The following AVEN variants were observed in gnomAD, a reference collection of about 807,000 sequenced individuals.
AVEN encodes cell death regulator Aven.
Under a neutral mutation model 38.1 loss-of-function variants are expected in AVEN, and 41 were observed. The observed-to-expected ratio is 1.08, with a 90% CI of 0.84 to 1.40. The LOEUF is 1.40. Among genes scored for constraint, AVEN ranks in the 40% most tolerant of loss-of-function variants. AVEN has a pLI of 0.00. For synonymous variants in AVEN, 206 were observed against 171.8 expected (o/e 1.20, Z -1.56); for missense variants, 605 against 438.8 (o/e 1.38, Z -3.38).
chr15:34,010,534 A>G (rs1044251547), intron 1 of AVEN, among the ~76,000 whole-genome samples: 5 of 152,212 alleles, frequency 3.3e-5, no homozygotes, highest in African/African-American at 1.2e-4. Flanking sequence ...GCAAAAAGGT[A>G]TAGAAAAGGC....
At chr15:34,060,614 G>T (rs1323400497) in intron 5 of AVEN, among the ~76,000 whole-genome samples, 2 of 152,174 alleles carry the variant, frequency 1.3e-5, no homozygotes, top group South Asian at 2.1e-4. Context: ...GGTGGCTTTC[G>T]CCTGTAATCC....
rs1018706638 is a variant in AVEN at position 33,866,531 on chromosome 15, G to C, written c.*82C>G. 4 of 972,472 alleles carry C rather than the reference G, an allele frequency of 4.1e-6. No individual in the cohort carries two copies. The highest frequency in any genetic ancestry group is 4.0e-5 in the Admixed American group (2 of 50,614). 60.2% of individuals were successfully genotyped at this position (972,472 alleles called of 1,614,324 possible). On this transcript the variant is annotated 3_prime_UTR_variant, in exon 6 of 6. Coordinates refer to ENST00000306730, the MANE Select transcript of AVEN (RefSeq NM_020371.3). Reference sequence around the variant, plus strand: ...CTAGCTTGAGACATGCTTGTAAACTGGCTGGTCCTGAAGGACAGCCTTATG... The same window carrying C: ...CTAGCTTGAGACATGCTTGTAAACTCGCTGGTCCTGAAGGACAGCCTTATG...
In AVEN at chr15:34,064,139, C is replaced by T. The variant is rs759385676; in HGVS notation, n.1127-707G>A. 3.1e-6 allele frequency: 5 copies of T among 1,614,208 alleles called. No homozygotes were observed. In the South Asian group the frequency reaches 4.4e-5, roughly 14 times the overall value. The stretch of plus-strand genomic sequence containing the variant: ...CCTTCTGTGACAAGTGTGTCCCAGT[C>T]ACCCTGTGGCACTTGGGCTATTGGT... On this transcript the variant is annotated intron_variant and non_coding_transcript_variant, in intron 4 of 11. Coordinates refer to the AVEN transcript ENST00000675287.
intron 2 of AVEN, among the ~76,000 whole-genome samples, chr15:33,881,026 C>G (rs934792401): frequency 1.3e-5 from 2 of 151,734 alleles, no homozygotes; most frequent in Non-Finnish European, 2.9e-5. Flanking sequence ...CAAAATATAA[C>G]ACAATTTAAA....
chr15:34,069,880 T>C (rs911361236), intron 2 of AVEN, among the ~76,000 whole-genome samples: 11 of 152,222 alleles, frequency 7.2e-5, no homozygotes, highest in Admixed American at 6.5e-4. Flanking sequence ...AATATTAATA[T>C]GGTTGAACAT....
downstream of AVEN, chr15:33,854,510 G>A: frequency 2.2e-6 from 3 of 1,368,106 alleles, no homozygotes; most frequent in Non-Finnish European, 2.0e-6. Context: ...CCACAGAGAA[G>A]CAAGCTATGC....
chr15:33,963,624 C>T (rs1478550769), intron 2 of AVEN, among the ~76,000 whole-genome samples: 1 of 151,856 alleles, frequency 6.6e-6, no homozygotes, highest in African/African-American at 2.4e-5. Context: ...TGGTGAAACC[C>T]CATCTCTACT....
At position 33,954,273 on chromosome 15, in the gene AVEN, A is replaced by T. The variant is rs184958929; in HGVS notation, c.445+48759T>A. Among the ~76,000 whole-genome samples the T allele has an allele frequency of 8.1e-3, 1,238 of 152,292 alleles. 10 individuals carry two copies. The highest frequency in any genetic ancestry group is 0.014 in the Non-Finnish European group (950 of 68,014). On this transcript the variant is annotated intron_variant, in intron 2 of 5. Transcript: ENST00000306730. ...TCCTCAAGGATCTAGAACTAGAAAT[A>T]CCATTTGACCCAGCGATCCCATTAC...
intron 2 of AVEN, among the ~76,000 whole-genome samples, chr15:33,904,693 A>AT (rs1355411566): frequency 2.5e-5 from 3 of 120,254 alleles, no homozygotes; most frequent in African/African-American, 8.7e-5. Context: ...AAAAAAAAAA[A>AT]AATATATATA....
At chr15:33,887,083 C>T (rs1024020800) in intron 2 of AVEN, among the ~76,000 whole-genome samples, 4 of 152,184 alleles carry the variant, frequency 2.6e-5, no homozygotes, top group Non-Finnish European at 5.9e-5. Context: ...ATAAGAAATA[C>T]ATCATAGTTC....
chr15:33,947,892 T>C (rs1411731668), intron 2 of AVEN, among the ~76,000 whole-genome samples: 1 of 152,034 alleles, frequency 6.6e-6, no homozygotes, highest in Non-Finnish European at 1.5e-5. Context: ...GGATGGAAAA[T>C]ATTACAGCAA....
At chr15:33,910,848 C>T (rs983102638) in intron 2 of AVEN, among the ~76,000 whole-genome samples, 3 of 152,194 alleles carry the variant, frequency 2.0e-5, no homozygotes, top group Admixed American at 2.0e-4. Context: ...GTTCTACTGC[C>T]ACTGCTGACT....
rs1454555480 is a variant in AVEN at position 34,046,123 on chromosome 15, A to G, written n.1637+16799T>C. Among the ~76,000 whole-genome samples the G allele has an allele frequency of 7.2e-5, 11 of 152,312 alleles. No individual in the cohort carries two copies. In the East Asian group the frequency reaches 1.9e-3, roughly 27 times the overall value. On this transcript the variant is annotated intron_variant and non_coding_transcript_variant, in intron 5 of 11. Transcript: ENST00000675287. ...TTCATTTGCCTCTGCAACTTTCCTCAAAAATAAGTTACCCTTTCAAAAACA... is the reference window on the plus strand; with the variant it reads ...TTCATTTGCCTCTGCAACTTTCCTCGAAAATAAGTTACCCTTTCAAAAACA...
chr15:33,900,961 T>C (rs1408068335), intron 2 of AVEN, among the ~76,000 whole-genome samples: 1 of 152,150 alleles, frequency 6.6e-6, no homozygotes, highest in Non-Finnish European at 1.5e-5. Flanking sequence ...AACTCCATCT[T>C]AGAAAAAGAT....
downstream of AVEN, chr15:33,854,796 A>C (rs898508812): frequency 7.4e-6 from 12 of 1,613,000 alleles, no homozygotes; most frequent in Non-Finnish European, 1.0e-5. Context: ...GTATACAACC[A>C]TGTCAGTCCT....
At chr15:33,911,355 A>G (rs552227440) in intron 2 of AVEN, among the ~76,000 whole-genome samples, 1 of 152,230 alleles carries the variant, frequency 6.6e-6, no homozygotes, top group Non-Finnish European at 1.5e-5. Flanking sequence ...CAAGGGCATC[A>G]CTAGCTATTC....
intron 2 of AVEN, among the ~76,000 whole-genome samples, chr15:33,919,613 C>T (rs1268958941): frequency 6.6e-6 from 1 of 152,182 alleles, no homozygotes; most frequent in Non-Finnish European, 1.5e-5. Context: ...TGAATTCTGT[C>T]CACTACTCAG....
At chr15:34,068,088 C>T (rs1321092550) in intron 2 of AVEN, among the ~76,000 whole-genome samples, 2 of 151,936 alleles carry the variant, frequency 1.3e-5, no homozygotes, top group African/African-American at 2.4e-5. Context: ...CCGCACTTAA[C>T]GTTTTGCCAC....
chr15:33,871,130 G>T, intron 3 of AVEN, 100 bp from the exon 4 acceptor site: 2 of 750,584 alleles, frequency 2.7e-6, no homozygotes, highest in Non-Finnish European at 3.8e-6. Flanking sequence ...GTTACATTTG[G>T]CTAGGAATAA....
Sources: allele counts gnomAD v4.1 joint callset (sites outside exome capture counted in the v4.1 genomes callset), GRCh38; gene constraint gnomAD v4.1.1; transcripts MANE v1.5; gene names NCBI Gene and HGNC (gene_info 2026-07-23, HGNC 2026-07-21).